The following FGD5 variants were observed in gnomAD, a reference collection of about 807,000 sequenced individuals.
The protein encoded by FGD5 is FYVE, RhoGEF and PH domain-containing protein 5.
A neutral mutation model predicts 133.4 loss-of-function variants in FGD5; 28 were observed. That is an observed-to-expected ratio of 0.21 (90% CI 0.16 to 0.29). FGD5 has a LOEUF of 0.29. FGD5 is among the 10% of genes least tolerant of loss of function. FGD5 has a pLI of 1.00. For synonymous variants in FGD5, 810 were observed against 776.5 expected (o/e 1.04, Z -0.72); for missense variants, 1,858 against 1,895.2 (o/e 0.98, Z 0.36).
chr3:14,911,856 C>T (rs533268983), intron 11 of FGD5, among the ~76,000 whole-genome samples: 175 of 150,688 alleles, frequency 1.2e-3, no homozygotes, highest in African/African-American at 4.0e-3. Flanking sequence ...GCCACGGCAG[C>T]GCCGCCGTGT....
chr3:14,893,758 T>C (rs1322860537), intron 4 of FGD5, among the ~76,000 whole-genome samples: 23 of 136,444 alleles, frequency 1.7e-4, no homozygotes, highest in Admixed American at 7.3e-4. Flanking sequence ...TTTTCTTTTT[T>C]TTTTTTTTTT....
Position 14,921,994 on chromosome 3 carries a change from G to C in FGD5, c.3646G>C (p.Ala1216Pro). 6.4e-7 allele frequency: 1 copy of C among 1,564,456 alleles called. No individual in the cohort carries two copies. Among genetic ancestry groups the C allele is most frequent in the Non-Finnish European group, 8.7e-7 (1 of 1,154,408 alleles). ...LPEDYKAQAL[A>P]AFHHSVEIRE... ...TGAGGACTACAAGGCCCAGGCGCTGGCTGCATTCCACCATAGCGTGGAGGT... is the reference window on the plus strand; with the variant it reads ...TGAGGACTACAAGGCCCAGGCGCTGCCTGCATTCCACCATAGCGTGGAGGT... The change falls in exon 14 of 20, where the codon GCT (alanine) becomes CCT (proline). Residue 1216 changes from alanine (A) to proline (P), a missense_variant. Ala to Pro is a conservative substitution (Grantham distance 27). Coordinates refer to ENST00000285046, the MANE Select transcript of FGD5 (RefSeq NM_152536.4).
chr3:14,826,315 C>G (rs2036597481), intron 1 of FGD5, among the ~76,000 whole-genome samples: 1 of 152,062 alleles, frequency 6.6e-6, no homozygotes, highest in Non-Finnish European at 1.5e-5. Context: ...CCCTCTTCTC[C>G]TCTGCCCCTC....
At chr3:14,881,794 C>T (rs114100909) in intron 4 of FGD5, among the ~76,000 whole-genome samples, 2 of 152,292 alleles carry the variant, frequency 1.3e-5, no homozygotes, top group African/African-American at 2.4e-5. Context: ...AGTGGTGGAG[C>T]CAGGACAAGC....
intron 1 of FGD5, among the ~76,000 whole-genome samples, chr3:14,830,967 A>C (rs1423219099): frequency 2.6e-5 from 4 of 152,236 alleles, no homozygotes; most frequent in African/African-American, 9.6e-5. Flanking sequence ...AAGAAGAATA[A>C]AAAAATCAAT....
rs777806990 is a variant in FGD5 at position 14,898,081 on chromosome 3, G to C, written c.3052G>C (p.Val1018Leu). 1.2e-6 allele frequency: 2 copies of C among 1,614,042 alleles called. No homozygotes were observed. The highest frequency in any genetic ancestry group is 1.7e-6 in the Non-Finnish European group (2 of 1,179,902). ...CLHSPRLAAAVREFEQSVQGG... is the reference protein window; with the variant it reads ...CLHSPRLAAALREFEQSVQGG... ...CCACTCTCCCCGGCTGGCAGCTGCT[G>C]TCCGTGAATTTGAGGTGGGTCCCTT... Residue 1018 changes from valine to leucine, a missense_variant, in exon 6 of 20, where the codon GTC becomes CTC. Val to Leu is a conservative substitution (Grantham distance 32). Around this residue, in one of 3 missense-constraint regions of FGD5, gnomAD observed 1,824 missense variants for 1,848.9 expected, o/e 0.99. Transcript: ENST00000285046.
Position 14,820,218 on chromosome 3 carries a change from C to T in FGD5, c.1147C>T (p.Arg383Cys), listed in dbSNP as rs199737604. Residue 383 changes from arginine (R) to cysteine (C), a missense_variant, in exon 1 of 20, where the codon CGT (arginine) becomes TGT (cysteine). By Grantham distance (180) the Arg-to-Cys change is radical. This residue lies in a region of FGD5 where 1,824 missense variants were observed against 1,848.9 expected (regional missense o/e 0.99). Coordinates refer to ENST00000285046, the MANE Select transcript of FGD5 (RefSeq NM_152536.4). ...AGAGCAGGCACCAAAGCTGGGGCTG[C>T]GTGCGGAGGAGAACCCCATGGTGGG... is the stretch of plus-strand genomic sequence containing the variant. Reference protein sequence around the residue: ...ESEQAPKLGLRAEENPMVGAL... With the variant: ...ESEQAPKLGLCAEENPMVGAL... 6.2e-6 allele frequency: 10 copies of T among 1,608,932 alleles called. No homozygotes were observed. Among genetic ancestry groups the T allele is most frequent in the Middle Eastern group, 3.3e-4 (2 of 6,066 alleles).
At chr3:14,894,762 G>T (rs1021769609) in intron 4 of FGD5, among the ~76,000 whole-genome samples, 2 of 148,816 alleles carry the variant, frequency 1.3e-5, no homozygotes, top group Non-Finnish European at 3.0e-5. Context: ...CCTCCCAGTA[G>T]TTCTATTTTT....
chr3:14,903,852 G>A (rs2038289733), intron 9 of FGD5, among the ~76,000 whole-genome samples: 2 of 152,132 alleles, frequency 1.3e-5, no homozygotes, highest in Non-Finnish European at 2.9e-5. Context: ...GACCCCACAT[G>A]CTGTTTAGTG....
chr3:14,813,079 T>G (rs1400361265), intron 1 of FGD5, among the ~76,000 whole-genome samples: 1 of 152,198 alleles, frequency 6.6e-6, no homozygotes, highest in African/African-American at 2.4e-5. Flanking sequence ...GAGAGCCTGC[T>G]TTTTTATCCA....
chr3:14,854,330 G>A (rs2037228461), intron 1 of FGD5, among the ~76,000 whole-genome samples: 1 of 151,944 alleles, frequency 6.6e-6, no homozygotes, highest in Admixed American at 6.6e-5. Context: ...AGAATTTCCT[G>A]GAAAGATCCC....
chr3:14,933,191 T>A lies in FGD5; in HGVS notation c.*24T>A. On this transcript the variant is annotated 3_prime_UTR_variant, in exon 20 of 20. Transcript: ENST00000285046. ...AGCAGTTATCAAGCATGTGGACTTGTAACAAATTCTTAGGTCAATATGTGA... is the reference window on the plus strand; with the variant it reads ...AGCAGTTATCAAGCATGTGGACTTGAAACAAATTCTTAGGTCAATATGTGA... 1 of 1,611,808 alleles carries A rather than the reference T, an allele frequency of 6.2e-7. No individual in the cohort carries two copies. Among genetic ancestry groups the A allele is most frequent in the Non-Finnish European group, 8.5e-7 (1 of 1,178,924 alleles).
chr3:14,908,866 C>G (rs908124551), intron 10 of FGD5, among the ~76,000 whole-genome samples: 2 of 150,990 alleles, frequency 1.3e-5, no homozygotes, highest in Non-Finnish European at 3.0e-5. Context: ...GGCGACAGTG[C>G]GAGACTCCCT....
chr3:14,933,327 C>T lies in FGD5; in HGVS notation c.*160C>T, dbSNP rs1374321370. 4.2e-6 allele frequency: 3 copies of T among 716,478 alleles called. No individual in the cohort carries two copies. Among genetic ancestry groups the T allele is most frequent in the Non-Finnish European group, 7.3e-6 (3 of 408,614 alleles). 44.4% of individuals were successfully genotyped at this position (716,478 alleles called of 1,614,324 possible). A position where few individuals can be genotyped will look rare whatever the true frequency, so the allele number is the denominator to read the frequency against. Reference sequence around the variant, plus strand: ...CGCCCCACCACTCCCCTGCCCTTGCCAACATCTTCATGAATGGAATCCTTA... The same window carrying T: ...CGCCCCACCACTCCCCTGCCCTTGCTAACATCTTCATGAATGGAATCCTTA... On this transcript the variant is annotated 3_prime_UTR_variant, in exon 20 of 20. Transcript: ENST00000285046.
intron 1 of FGD5, among the ~76,000 whole-genome samples, chr3:14,853,923 C>A (rs746065331): frequency 6.7e-6 from 1 of 148,256 alleles, no homozygotes; most frequent in Non-Finnish European, 1.5e-5. Context: ...AATTGATATT[C>A]CCTTTACAGC....
At chr3:14,893,106 A>T (rs2038061011) in intron 4 of FGD5, among the ~76,000 whole-genome samples, 1 of 152,230 alleles carries the variant, frequency 6.6e-6, no homozygotes. Context: ...CTCATGCAAG[A>T]GCAAATGTAT....
chr3:14,881,295 A>ACAGCCTGAACGT, intron 4 of FGD5, among the ~76,000 whole-genome samples: 1 of 151,994 alleles, frequency 6.6e-6, no homozygotes, highest in East Asian at 1.9e-4. Context: ...AGACTTGGGG[A>ACAGCCTGAACGT]CAGGCACTGC....
chr3:14,885,379 C>A (rs924237376), intron 4 of FGD5, among the ~76,000 whole-genome samples: 3 of 152,104 alleles, frequency 2.0e-5, no homozygotes, highest in Non-Finnish European at 4.4e-5. Flanking sequence ...CGGTAGATAA[C>A]CTCAGTGCCA....
rs933033672 is a variant in FGD5 at position 14,898,068 on chromosome 3, G to A, written c.3039G>A (p.Arg1013=). The change falls in exon 6 of 20, where the codon CGG becomes CGA. Residue 1013 remains arginine, a synonymous_variant. Coordinates refer to ENST00000285046, the MANE Select transcript of FGD5 (RefSeq NM_152536.4). ...GTGAGAATTGCCTCCACTCTCCCCG[G>A]CTGGCAGCTGCTGTCCGTGAATTTG... ...LLSENCLHSP[R]LAAAVREFEQ... is the part of the protein sequence containing the mutation. 1.2e-6 allele frequency: 2 copies of A among 1,613,910 alleles called. No homozygotes were observed. Among genetic ancestry groups the A allele is most frequent in the Admixed American group, 3.3e-5 (2 of 60,012 alleles).
Sources: allele counts gnomAD v4.1 joint callset (sites outside exome capture counted in the v4.1 genomes callset), GRCh38; gene constraint gnomAD v4.1.1; regional missense constraint gnomAD v4.1.1; transcripts MANE v1.5; gene names NCBI Gene and HGNC (gene_info 2026-07-23, HGNC 2026-07-21).